Variants in KLHDC4 observed in about 807,000 individuals in gnomAD.
KLHDC4 encodes the protein kelch domain containing 4, also known as kelch domain-containing protein 4.
In KLHDC4, 90 loss-of-function variants were observed where a neutral mutation model predicts 62.4. That is an observed-to-expected ratio of 1.44 (90% CI 1.22 to 1.72). KLHDC4 has a LOEUF of 1.72. Ranked by LOEUF, KLHDC4 falls within the 40% of genes most tolerant of loss-of-function variation. The pLI is 0.00. For missense variants in KLHDC4, 1,025 were observed against 699.7 expected (o/e 1.47, Z -5.25); for synonymous variants, 386 against 284.4 (o/e 1.36, Z -3.59).
At chr16:87,734,002 C>T (rs118166853) in intron 5 of KLHDC4, among the ~76,000 whole-genome samples, 1,978 of 152,332 alleles carry the variant, frequency 0.013, 27 homozygotes, top group Non-Finnish European at 0.021. Flanking sequence ...GTCCCCAAAA[C>T]CCACTTACAG....
In KLHDC4 at chr16:87,765,956, A is replaced by G; in HGVS notation, c.-66T>C. ...AACGGCCCGCGCTCTCCGCTCGGAAACAGGTGCTCGTGGGGCGGAGCTCGG... is the reference window on the plus strand; with the variant it reads ...AACGGCCCGCGCTCTCCGCTCGGAAGCAGGTGCTCGTGGGGCGGAGCTCGG... On this transcript the variant is annotated 5_prime_UTR_variant, in exon 1 of 12. Coordinates refer to ENST00000270583, the MANE Select transcript of KLHDC4 (RefSeq NM_017566.4). 2 of 1,474,194 alleles carry G rather than the reference A, an allele frequency of 1.4e-6. No homozygotes were observed. The highest frequency in any genetic ancestry group is 1.2e-5 in the South Asian group (1 of 82,346). 91.3% of individuals were successfully genotyped at this position (1,474,194 alleles called of 1,614,324 possible).
intron 4 of KLHDC4, chr16:87,750,739 C>G (rs1248458886): frequency 6.6e-6 from 1 of 152,308 alleles, no homozygotes; most frequent in Non-Finnish European, 1.5e-5. Context: ...TGCCGCCCCT[C>G]TGCACCGATG....
chr16:87,739,949 C>T (rs1311109137), intron 5 of KLHDC4: 1 of 152,212 alleles, frequency 6.6e-6, no homozygotes, highest in Non-Finnish European at 1.5e-5. Context: ...CAATGAATGA[C>T]ACATTTTAAA....
intron 8 of KLHDC4, among the ~76,000 whole-genome samples, chr16:87,714,138 G>A (rs995752586): frequency 2.0e-5 from 3 of 152,194 alleles, no homozygotes; most frequent in Admixed American, 6.5e-5. Context: ...CTGGTGGCTT[G>A]TACTCAAGGC....
In KLHDC4 at chr16:87,720,613, G is replaced by A. The variant is rs1189204208; in HGVS notation, c.760-6040C>T. ...ATCTCACGTTTTGCGGGGCTTGGGA[G>A]AGAGGGACCCATGACGAGAGGACCC... On this transcript the variant is annotated intron_variant, in intron 7 of 11. Coordinates refer to ENST00000270583, the MANE Select transcript of KLHDC4 (RefSeq NM_017566.4). Among the ~76,000 whole-genome samples the A allele has an allele frequency of 2.0e-5, 3 of 152,368 alleles. No individual in the cohort carries two copies. In the East Asian group the frequency reaches 5.8e-4, roughly 29 times the overall value.
intron 3 of KLHDC4, chr16:87,756,055 T>C (rs1681364218): frequency 5.2e-6 from 1 of 191,704 alleles, no homozygotes; most frequent in Admixed American, 5.3e-5. Context: ...GCACTTTCCG[T>C]GTTTAAGACA....
chr16:87,719,600 C>A (rs138009054), intron 7 of KLHDC4, among the ~76,000 whole-genome samples: 9,368 of 151,766 alleles, frequency 0.062, 932 homozygotes, highest in African/African-American at 0.21. Context: ...CTGACCTTCC[C>A]TCCACTGTTG....
intron 8 of KLHDC4, among the ~76,000 whole-genome samples, chr16:87,712,131 T>C (rs1301334518): frequency 6.7e-6 from 1 of 148,896 alleles, no homozygotes; most frequent in Non-Finnish European, 1.5e-5. Flanking sequence ...GGCTGCAGTG[T>C]GGCCAGCTCT....
At chr16:87,716,407 C>A (rs548665608) in intron 7 of KLHDC4, among the ~76,000 whole-genome samples, 16 of 152,290 alleles carry the variant, frequency 1.1e-4, no homozygotes, top group African/African-American at 3.4e-4. Flanking sequence ...TATCACTACC[C>A]ATCTTTGTTG....
At chr16:87,740,284 C>T (rs1426176669) in intron 5 of KLHDC4, among the ~76,000 whole-genome samples, 2 of 152,182 alleles carry the variant, frequency 1.3e-5, no homozygotes, top group Non-Finnish European at 2.9e-5. Context: ...TGATCCCACC[C>T]GACATGTGTG....
chr16:87,709,344 G>A lies in KLHDC4; in HGVS notation c.1368C>T (p.Arg456=), dbSNP rs774381119. 1.1e-5 allele frequency: 18 copies of A among 1,613,406 alleles called. No homozygotes were observed. Among genetic ancestry groups the A allele is most frequent in the Non-Finnish European group, 1.5e-5 (18 of 1,179,948 alleles). The change falls in exon 10 of 12, where the codon CGC becomes CGT. Residue 456 remains arginine (R), a synonymous_variant. Transcript: ENST00000270583. The stretch of plus-strand genomic sequence containing the variant: ...AGTGCAGGTCGCTGAGGGTGACCTG[G>A]CGGTCGCCGGCCTCAAACATGCCCC... ...VYGGMFEAGD[R]QVTLSDLHCL...
chr16:87,744,182 G>A (rs545410642), intron 5 of KLHDC4, among the ~76,000 whole-genome samples: 3 of 152,238 alleles, frequency 2.0e-5, no homozygotes, highest in Non-Finnish European at 2.9e-5. Context: ...TTGTGAGACC[G>A]AGGTGGGGGG....
chr16:87,708,959 G>A (rs999460382), intron 10 of KLHDC4, among the ~76,000 whole-genome samples: 7 of 152,236 alleles, frequency 4.6e-5, no homozygotes, highest in African/African-American at 7.2e-5. Flanking sequence ...CTCGGGGCCC[G>A]GCTCGGACGG....
At chr16:87,701,846 C>G in exon 1 of KLHDC4, 2 of 456,694 alleles carry the variant, frequency 4.4e-6, no homozygotes, top group Non-Finnish European at 8.8e-6. Context: ...TCGTTAACAG[C>G]TGCCATCCAC....
At chr16:87,709,149 A>G in intron 10 of KLHDC4, 116 bp downstream of exon 10, 22 of 1,316,190 alleles carry the variant, frequency 1.7e-5, no homozygotes, top group Non-Finnish European at 2.3e-5. Flanking sequence ...AGCACAGGCG[A>G]GAAGTGTCGG....
intron 8 of KLHDC4, 142 bp downstream of exon 8, chr16:87,714,356 A>AATGAGCCAT (rs2036504860): frequency 5.4e-6 from 2 of 370,112 alleles, no homozygotes; most frequent in African/African-American, 4.6e-5. Context: ...CCCACCCCGA[A>AATGAGCCAT]ATGAGCCATC....
rs952114004 is a variant in KLHDC4 at position 87,709,380 on chromosome 16, G to C, written c.1332C>G (p.Leu444=). The change falls in exon 10 of 12, where the codon CTC becomes CTG. Residue 444 remains leucine (L), a synonymous_variant. Transcript: ENST00000270583. Reference sequence around the variant, plus strand: ...CCTCAAACATGCCCCCATAGACGTAGAGCACCCCATGCTTCACAGCCAGCA... The same window carrying C: ...CCTCAAACATGCCCCCATAGACGTACAGCACCCCATGCTTCACAGCCAGCA... ...NAMLAVKHGV[L]YVYGGMFEAG... 3 of 1,613,288 alleles carry C rather than the reference G, an allele frequency of 1.9e-6. No individual in the cohort carries two copies. Among genetic ancestry groups the C allele is most frequent in the African/African-American group, 1.3e-5 (1 of 74,950 alleles).
chr16:87,721,505 C>T (rs938657449), intron 7 of KLHDC4, among the ~76,000 whole-genome samples: 2 of 151,932 alleles, frequency 1.3e-5, no homozygotes, highest in Admixed American at 6.6e-5. Context: ...GCCACTGTCG[C>T]GCCCAATTCC....
Position 87,711,365 on chromosome 16 carries a change from G to T in KLHDC4, c.914C>A (p.Pro305Gln). The change falls in exon 9 of 12, where the codon CCG becomes CAG. Residue 305 changes from proline to glutamine, a missense_variant. Coordinates refer to ENST00000270583, the MANE Select transcript of KLHDC4 (RefSeq NM_017566.4). ...PRSGFSVAMA[P>Q]NHQTLFFGGV... ...CCCGAAGAACAGTGTCTGGTGATTCGGGGCCATGGCCACGGAAAAGCCAGA... is the reference window on the plus strand; with the variant it reads ...CCCGAAGAACAGTGTCTGGTGATTCTGGGCCATGGCCACGGAAAAGCCAGA... 1 of 1,613,848 alleles carries T rather than the reference G, an allele frequency of 6.2e-7. No homozygotes were observed. The highest frequency in any genetic ancestry group is 8.5e-7 in the Non-Finnish European group (1 of 1,180,026).
Sources: gnomAD v4.1 joint callset for allele counts (sites outside exome capture counted in the v4.1 genomes callset) on GRCh38, gnomAD v4.1.1 for gene constraint, MANE v1.5 for transcripts, NCBI Gene and HGNC (gene_info 2026-07-23, HGNC 2026-07-21) for gene names.